Variants in NYAP2 observed in about 807,000 individuals in gnomAD.
NYAP2 encodes the protein neuronal tyrosine-phosphorylated phosphoinositide-3-kinase adaptor 2.
Under a neutral mutation model 50.4 loss-of-function variants are expected in NYAP2, and 23 were observed. That is an observed-to-expected ratio of 0.46 (90% CI 0.33 to 0.65). The LOEUF is 0.65. NYAP2 is among the 30% of genes least tolerant of loss of function. The probability of loss-of-function intolerance (pLI) is 0.02; values close to 1 mark genes in which losing one functional copy is unlikely to be tolerated. For synonymous variants in NYAP2, 394 were observed against 365.2 expected (o/e 1.08, Z -0.90); for missense variants, 885 against 861.0 (o/e 1.03, Z -0.35).
At chr2:225,692,977 T>A in the NYAP2 span, among the ~76,000 whole-genome samples, 79 of 152,172 alleles carry the variant, frequency 5.2e-4, no homozygotes, top group African/African-American at 1.8e-3. Flanking sequence ...TTCCAAAGAG[T>A]GTATAGTGGG....
chr2:225,598,937 A>G (rs1011067560), intron 5 of NYAP2, among the ~76,000 whole-genome samples: 4 of 152,318 alleles, frequency 2.6e-5, no homozygotes, highest in Admixed American at 1.3e-4. Context: ...CGTGAAATCA[A>G]TGGAGGGCTT....
intron 6 of NYAP2, among the ~76,000 whole-genome samples, chr2:225,646,892 C>G (rs908735475): frequency 4.6e-5 from 7 of 152,024 alleles, no homozygotes; most frequent in African/African-American, 1.7e-4. Flanking sequence ...CAAGACGTTT[C>G]CAGGTCACGG....
chr2:225,409,564 A>T (rs556742609), intron 3 of NYAP2, among the ~76,000 whole-genome samples: 1 of 152,162 alleles, frequency 6.6e-6, no homozygotes, highest in South Asian at 2.1e-4. Context: ...AGGCAGGTAG[A>T]ATCCTCAGGG....
intron 2 of NYAP2, among the ~76,000 whole-genome samples, chr2:225,405,900 G>T (rs1481013139): frequency 6.6e-6 from 1 of 151,894 alleles, no homozygotes; most frequent in Non-Finnish European, 1.5e-5. Flanking sequence ...TAAGGAAGTT[G>T]CACTACAATA....
At chr2:225,636,808 G>A (rs547896194) in intron 6 of NYAP2, among the ~76,000 whole-genome samples, 4 of 152,230 alleles carry the variant, frequency 2.6e-5, no homozygotes, top group African/African-American at 9.6e-5. Context: ...TAGCCTGTTG[G>A]ATGATGAAGT....
intron 4 of NYAP2, among the ~76,000 whole-genome samples, chr2:225,547,034 C>T (rs1691597035): frequency 6.6e-6 from 1 of 152,134 alleles, no homozygotes; most frequent in Non-Finnish European, 1.5e-5. Context: ...GGTGCCCTAT[C>T]CTATTGTGGC....
chr2:225,500,983 A>G (rs1484673785), intron 3 of NYAP2, among the ~76,000 whole-genome samples: 3 of 152,244 alleles, frequency 2.0e-5, no homozygotes, highest in South Asian at 2.1e-4. Context: ...GGGTGGTGTC[A>G]GTATCTAATA....
At chr2:225,687,318 GTAT>G in the NYAP2 span, among the ~76,000 whole-genome samples, 3 of 152,078 alleles carry the variant, frequency 2.0e-5, no homozygotes, top group Non-Finnish European at 2.9e-5. Context: ...ATGGTTGTTG[GTAT>G]TATTACATTG....
At chr2:225,505,996 G>A (rs1013011411) in intron 3 of NYAP2, among the ~76,000 whole-genome samples, 2 of 151,966 alleles carry the variant, frequency 1.3e-5, no homozygotes, top group African/African-American at 4.8e-5. Context: ...AAATAGTCAC[G>A]GTGGCCAGGG....
chr2:225,702,319 T>C, the NYAP2 span: 1 of 151,786 alleles, frequency 6.6e-6, no homozygotes, highest in Non-Finnish European at 1.5e-5. Context: ...ATCTGTTATT[T>C]AACAGTTGAT....
the NYAP2 span, among the ~76,000 whole-genome samples, chr2:225,684,409 T>C: frequency 0.047 from 7,094 of 150,164 alleles, 269 homozygotes; most frequent in East Asian, 0.17. Context: ...TCTCTCTCTT[T>C]TTTTTTTTTT....
chr2:225,548,060 A>G (rs1386600756), intron 4 of NYAP2, among the ~76,000 whole-genome samples: 1 of 152,142 alleles, frequency 6.6e-6, no homozygotes, highest in Admixed American at 6.5e-5. Context: ...TACATTAGCT[A>G]ATAATAGTTC....
intron 4 of NYAP2, among the ~76,000 whole-genome samples, chr2:225,575,745 G>T (rs934588127): frequency 2.0e-5 from 3 of 152,190 alleles, no homozygotes; most frequent in Non-Finnish European, 4.4e-5. Context: ...GAGAACATAT[G>T]TAGGTATAGG....
chr2:225,648,986 A>G (rs1693684691), intron 6 of NYAP2, among the ~76,000 whole-genome samples: 1 of 152,226 alleles, frequency 6.6e-6, no homozygotes, highest in Admixed American at 6.5e-5. Flanking sequence ...AGGAATGCAT[A>G]TCACAGGTGG....
chr2:225,410,198 TGG>T (rs1354966264), intron 3 of NYAP2, among the ~76,000 whole-genome samples: 6 of 152,070 alleles, frequency 3.9e-5, no homozygotes, highest in African/African-American at 1.4e-4. Context: ...TAGAAAGGAA[TGG>T]TGTACAAGAT....
chr2:225,673,388 T>A, the NYAP2 span, among the ~76,000 whole-genome samples: 1 of 152,074 alleles, frequency 6.6e-6, no homozygotes, highest in Non-Finnish European at 1.5e-5. Flanking sequence ...AGACAATAAG[T>A]GATCACATAG....
chr2:225,605,004 T>C lies in NYAP2; in HGVS notation c.1619-21913T>C, dbSNP rs1335993602. Among the ~76,000 whole-genome samples the C allele has an allele frequency of 3.3e-5, 5 of 152,158 alleles. No homozygotes were observed. The East Asian group carries it at 9.6e-4, about 29-fold the overall frequency. ...ATACCAAGTTCTGCATTTACTTTGA[T>C]AGAAATTAAATATTCTCATTAGCCT... On this transcript the variant is annotated intron_variant, in intron 5 of 6. Coordinates refer to ENST00000636099, the Ensembl canonical transcript of NYAP2.
At chr2:225,620,773 G>C (rs1451334457) in intron 5 of NYAP2, among the ~76,000 whole-genome samples, 1 of 152,114 alleles carries the variant, frequency 6.6e-6, no homozygotes, top group Admixed American at 6.6e-5. Context: ...AAAGCTGTAG[G>C]CTTTTATTTA....
At chr2:225,612,497 T>A (rs1692907738) in intron 5 of NYAP2, among the ~76,000 whole-genome samples, 1 of 151,974 alleles carries the variant, frequency 6.6e-6, no homozygotes, top group African/African-American at 2.4e-5. Flanking sequence ...GGTGAGTGTT[T>A]TAGTTTGCTC....
Sources: gnomAD v4.1 joint callset for allele counts (sites outside exome capture counted in the v4.1 genomes callset) on GRCh38, gnomAD v4.1.1 for gene constraint, MANE v1.5 for transcripts, NCBI Gene and HGNC (gene_info 2026-07-23, HGNC 2026-07-21) for gene names.